MIPEP: variants seen among roughly 807,000 people sequenced by gnomAD.
The protein encoded by MIPEP is mitochondrial intermediate peptidase.
MIPEP carries 79 observed loss-of-function variants against 90.3 expected under a neutral mutation model. The observed-to-expected ratio is 0.87, with a 90% CI of 0.73 to 1.05. The LOEUF is 1.05. Ranked by LOEUF, MIPEP falls within the 50% of genes least tolerant of loss-of-function variation. The pLI is 0.00. For missense variants in MIPEP, 940 were observed against 905.6 expected (o/e 1.04, Z -0.49); for synonymous variants, 334 against 315.8 (o/e 1.06, Z -0.61).
chr13:23,780,321 G>A (rs1432761486), intron 16 of MIPEP, among the ~76,000 whole-genome samples: 4 of 152,226 alleles, frequency 2.6e-5, no homozygotes, highest in East Asian at 1.9e-4. Context: ...TGCAGCCTCC[G>A]CTGCTGATAC....
intron 14 of MIPEP, among the ~76,000 whole-genome samples, chr13:23,824,760 T>C (rs900242003): frequency 1.3e-5 from 2 of 152,232 alleles, no homozygotes; most frequent in African/African-American, 4.8e-5. Flanking sequence ...ACCTCAAGCC[T>C]AAATCCACAG....
At chr13:23,776,719 A>G (rs1245062411) in intron 16 of MIPEP, among the ~76,000 whole-genome samples, 2 of 152,174 alleles carry the variant, frequency 1.3e-5, no homozygotes, top group Non-Finnish European at 2.9e-5. Flanking sequence ...AGAATAAGCA[A>G]AATCACTGGG....
intron 16 of MIPEP, among the ~76,000 whole-genome samples, chr13:23,785,630 A>G (rs562614181): frequency 8.4e-4 from 127 of 151,952 alleles, no homozygotes; most frequent in African/African-American, 2.9e-3. Flanking sequence ...ATAATAAAAA[A>G]AAAAAAAAGA....
intron 17 of MIPEP, 28 bp downstream of exon 17, chr13:23,760,067 TG>T (rs764894647): frequency 7.4e-6 from 12 of 1,613,642 alleles, no homozygotes; most frequent in East Asian, 2.2e-5. Flanking sequence ...TGGTCCAAGA[TG>T]GGGACATTTT....
At chr13:23,860,575 G>C (rs1239657998) in intron 9 of MIPEP, among the ~76,000 whole-genome samples, 2 of 152,126 alleles carry the variant, frequency 1.3e-5, no homozygotes, top group Non-Finnish European at 2.9e-5. Flanking sequence ...AGTAGGAAGG[G>C]AAACTGGAGA....
chr13:23,883,778 C>T (rs1215796434), intron 2 of MIPEP, among the ~76,000 whole-genome samples: 1 of 152,186 alleles, frequency 6.6e-6, no homozygotes, highest in Non-Finnish European at 1.5e-5. Flanking sequence ...TTTTCCTTTT[C>T]TGATTTCTGT....
At chr13:23,875,530 CT>C (rs548725844) in intron 4 of MIPEP, among the ~76,000 whole-genome samples, 428 of 142,024 alleles carry the variant, frequency 3.0e-3, no homozygotes, top group African/African-American at 8.4e-3. Flanking sequence ...AGTGTAACAC[CT>C]TTTTTTTTTT....
intron 16 of MIPEP, among the ~76,000 whole-genome samples, chr13:23,787,544 C>T (rs187434665): frequency 9.2e-5 from 14 of 152,168 alleles, no homozygotes; most frequent in African/African-American, 3.4e-4. Context: ...CCCAAAGGTC[C>T]CACCTCCTCA....
At chr13:23,850,649 G>A (rs1869760170) in intron 10 of MIPEP, among the ~76,000 whole-genome samples, 1 of 152,242 alleles carries the variant, frequency 6.6e-6, no homozygotes, top group African/African-American at 2.4e-5. Context: ...CCTGACTTCA[G>A]TGAGAGATGA....
chr13:23,881,670 A>G (rs1463034080), intron 3 of MIPEP, 29 bp downstream of exon 3: 5 of 1,567,746 alleles, frequency 3.2e-6, no homozygotes, highest in Non-Finnish European at 4.4e-6. Flanking sequence ...AGGACTTGGC[A>G]TGGAGGTGGG....
In MIPEP at chr13:23,865,663, C is replaced by T. The variant is rs1300440493; in HGVS notation, c.944-1474G>A. Among the ~76,000 whole-genome samples, 3 of 126,074 alleles carry T rather than the reference C, an allele frequency of 2.4e-5. 1 individual carries two copies. The East Asian group carries it at 7.3e-4, about 31-fold the overall frequency. The allele number at this position is 126,074 out of a possible 152,430, so 82.7% of individuals were successfully genotyped here. On this transcript the variant is annotated intron_variant, in intron 7 of 18. Coordinates refer to ENST00000382172, the MANE Select transcript of MIPEP (RefSeq NM_005932.4). ...AGTCATTTTACATGTGAAGAATCTG[C>T]CTCAATTAATTTTTTTTTTTTTTTG... is the stretch of plus-strand genomic sequence containing the variant.
intron 18 of MIPEP, among the ~76,000 whole-genome samples, chr13:23,733,970 C>T (rs1952232851): frequency 1.3e-5 from 2 of 152,182 alleles, no homozygotes; most frequent in African/African-American, 4.8e-5. Flanking sequence ...AGCTGTGTCA[C>T]TAAGGATAGA....
At chr13:23,738,353 T>C (rs888996700) in intron 18 of MIPEP, among the ~76,000 whole-genome samples, 1 of 151,952 alleles carries the variant, frequency 6.6e-6, no homozygotes, top group African/African-American at 2.4e-5. Flanking sequence ...GTTAATGTAG[T>C]TTATGTGTGG....
In MIPEP at chr13:23,837,711, C is replaced by A. The variant is rs747586834; in HGVS notation, c.1384G>T (p.Asp462Tyr). ...IRGGRLKEDG[D>Y]YQLPVVVLML... Reference sequence around the variant, plus strand: ...AGAACTACAACTGGGAGTTGATAGTCTCCATCTTCCTTTAGTCTGCCTCCA... The same window carrying A: ...AGAACTACAACTGGGAGTTGATAGTATCCATCTTCCTTTAGTCTGCCTCCA... Residue 462 changes from aspartate to tyrosine, a missense_variant, in exon 13 of 19, where the codon GAC becomes TAC. Coordinates refer to ENST00000382172, the MANE Select transcript of MIPEP (RefSeq NM_005932.4). 2.5e-6 allele frequency: 4 copies of A among 1,614,092 alleles called. No individual in the cohort carries two copies. In the East Asian group the frequency reaches 8.9e-5, roughly 36 times the overall value.
At chr13:23,774,078 T>C (rs1416210179) in intron 16 of MIPEP, among the ~76,000 whole-genome samples, 1 of 152,238 alleles carries the variant, frequency 6.6e-6, no homozygotes, top group Non-Finnish European at 1.5e-5. Context: ...TTTAGGTCTT[T>C]GATCTATTTT....
In MIPEP at chr13:23,809,339, C is replaced by T. The variant is rs557116015; in HGVS notation, c.1728+511G>A. Among the ~76,000 whole-genome samples, 34 of 148,604 alleles carry T rather than the reference C, an allele frequency of 2.3e-4. No individual in the cohort carries two copies. In the South Asian group the frequency reaches 5.7e-3, roughly 25 times the overall value. On this transcript the variant is annotated intron_variant, in intron 15 of 18. Transcript: ENST00000382172. ...GCTTTCATTTTTTCCCAACTGAAAACGGGAAATAGTCTTTTTTTTTTTTTG... is the reference window on the plus strand; with the variant it reads ...GCTTTCATTTTTTCCCAACTGAAAATGGGAAATAGTCTTTTTTTTTTTTTG...
chr13:23,781,072 G>T (rs1336528984), intron 16 of MIPEP, among the ~76,000 whole-genome samples: 8 of 152,132 alleles, frequency 5.3e-5, no homozygotes, highest in Admixed American at 5.2e-4. Flanking sequence ...TAGCAAGGCA[G>T]GCCAACATTC....
At chr13:23,827,806 C>T (rs980418765) in intron 14 of MIPEP, among the ~76,000 whole-genome samples, 3 of 152,170 alleles carry the variant, frequency 2.0e-5, no homozygotes, top group African/African-American at 7.2e-5. Context: ...GTGGCACACG[C>T]TGTAATCCCA....
At chr13:23,763,160 C>T (rs1404732190) in intron 16 of MIPEP, among the ~76,000 whole-genome samples, 3 of 152,146 alleles carry the variant, frequency 2.0e-5, no homozygotes, top group Non-Finnish European at 4.4e-5. Flanking sequence ...TGTACTCTGT[C>T]TTATTTAAAA....
Sources: gnomAD v4.1 joint callset for allele counts (sites outside exome capture counted in the v4.1 genomes callset) on GRCh38, gnomAD v4.1.1 for gene constraint, MANE v1.5 for transcripts, NCBI Gene and HGNC (gene_info 2026-07-23, HGNC 2026-07-21) for gene names.